FOXL3: variants seen among roughly 807,000 people sequenced by gnomAD.
The protein encoded by FOXL3 is forkhead box L3, also known as forkhead box protein L3.
FOXL3 carries 16 observed loss-of-function variants against 10.9 expected under a neutral mutation model. The ratio of observed to expected loss-of-function variants is 1.46; its 90% CI spans 0.99 to 2.22. The LOEUF (loss-of-function observed/expected upper bound fraction) is 2.22. Among genes scored for constraint, FOXL3 ranks in the 30% most tolerant of loss-of-function variants. The pLI, the probability that FOXL3 is intolerant of heterozygous loss-of-function variation, is 0.00. For missense variants in FOXL3, 400 were observed against 337.9 expected (o/e 1.18, Z -1.44); for synonymous variants, 170 against 152.0 (o/e 1.12, Z -0.87).
At position 291,258 on chromosome 7, in the gene FOXL3, G is replaced by T; in HGVS notation, c.472G>T (p.Ala158Ser). ...QGPSGPSEPP[A>S]AQGRLAPDSA... ...GCCGTCGGGTCCGTCCGAGCCGCCC[G>T]CCGCTCAGGGGCGCCTGGCCCCGGA... Residue 158 changes from alanine to serine, a missense_variant, in exon 3 of 3, where the codon GCC becomes TCC. Physicochemically the swap from Ala to Ser is moderately conservative, Grantham distance 99. Transcript: ENST00000506382. 8.5e-7 allele frequency: 1 copy of T among 1,182,326 alleles called. No individual in the cohort carries two copies. Among genetic ancestry groups the T allele is most frequent in the Non-Finnish European group, 1.0e-6 (1 of 956,054 alleles). The allele number at this position is 1,182,326 out of a possible 1,614,324, so 73.2% of individuals were successfully genotyped here.
Position 290,648 on chromosome 7 carries a change from C to T in FOXL3, c.108-5C>T, listed in dbSNP as rs1011658834. The T allele has an allele frequency of 1.4e-6, 2 of 1,405,630 alleles. No individual in the cohort carries two copies. Among genetic ancestry groups the T allele is most frequent in the African/African-American group, 1.5e-5 (1 of 68,802 alleles). 87.1% of individuals were successfully genotyped at this position (1,405,630 alleles called of 1,614,324 possible). A position where few individuals can be genotyped will look rare whatever the true frequency, so the allele number is the denominator to read the frequency against. ...GAGACCCCGCCTGACCCCCGGGCTC[C>T]GCAGCTACATCGCCTTGATCGCCAT... is the stretch of plus-strand genomic sequence containing the variant. On this transcript the variant is annotated splice_polypyrimidine_tract_variant and splice_region_variant and intron_variant, in intron 1 of 2. Coordinates refer to ENST00000506382, the MANE Select transcript of FOXL3 (RefSeq NM_001374838.1).
intron 1 of FOXL3, 130 bp from the exon 2 acceptor site, chr7:290,523 C>G: frequency 9.9e-7 from 1 of 1,006,962 alleles, no homozygotes; most frequent in Non-Finnish European, 1.4e-6. Context: ...CCGGGGACCG[C>G]GAGCTGCGGG....
At position 291,399 on chromosome 7, in the gene FOXL3, C is replaced by T; in HGVS notation, c.613C>T (p.Pro205Ser). ...CGACTACATCCTGTCCTCCCCAGAC[C>T]CCTTCCCTGGGCTCAAGCCGCCCTG... ...SIDYILSSPD[P>S]FPGLKPPCLA... The change falls in exon 3 of 3, where the codon CCC becomes TCC. Residue 205 changes from proline (P) to serine (S), a missense_variant. Pro to Ser is a moderately conservative substitution (Grantham distance 74). Coordinates refer to ENST00000506382, the MANE Select transcript of FOXL3 (RefSeq NM_001374838.1). 1 of 1,283,366 alleles carries T rather than the reference C, an allele frequency of 7.8e-7. No individual in the cohort carries two copies. The highest frequency in any genetic ancestry group is 2.6e-5 in the South Asian group (1 of 38,592). 79.5% of individuals were successfully genotyped at this position (1,283,366 alleles called of 1,614,324 possible).
At position 290,796 on chromosome 7, in the gene FOXL3, TG is replaced by T; in HGVS notation, c.252del (p.Ser85ProfsTer?). The part of the protein sequence containing the change: ...RAWQNSIRHN[L>X]SLNSCFVKVP... ...TGGCAGAACTCCATCCGCCACAACC[TG>T]TCCCTCAACAGCTGCTTCGTCAAGG... is the stretch of plus-strand genomic sequence containing the variant. On this transcript the variant is annotated frameshift_variant, in exon 2 of 3. Coordinates refer to ENST00000506382, the MANE Select transcript of FOXL3 (RefSeq NM_001374838.1). LOFTEE classifies it low-confidence loss of function (END_TRUNC). 6.6e-7 allele frequency: 1 copy of T among 1,515,162 alleles called. No homozygotes were observed. Among genetic ancestry groups the T allele is most frequent in the Non-Finnish European group, 8.8e-7 (1 of 1,136,262 alleles). The allele number at this position is 1,515,162 out of a possible 1,614,324, so 93.9% of individuals were successfully genotyped here.
chr7:290,748 A>G lies in FOXL3; in HGVS notation c.203A>G (p.Tyr68Cys), dbSNP rs752001418. 1 of 1,491,302 alleles carries G rather than the reference A, an allele frequency of 6.7e-7. No individual in the cohort carries two copies. Among genetic ancestry groups the G allele is most frequent in the South Asian group, 1.4e-5 (1 of 73,414 alleles). The allele number at this position is 1,491,302 out of a possible 1,614,324, so 92.4% of individuals were successfully genotyped here. A position where few individuals can be genotyped will look rare whatever the true frequency, so the allele number is the denominator to read the frequency against. The change falls in exon 2 of 3, where the codon TAT becomes TGT. Residue 68 changes from tyrosine (Y) to cysteine (C), a missense_variant. Transcript: ENST00000506382. The stretch of plus-strand genomic sequence containing the variant: ...GACTTCATCATGCGCAAATTCCCCT[A>G]TTACCGCGCCAACCAGCGCGCCTGG... ...IYDFIMRKFP[Y>C]YRANQRAWQN...
intron 2 of FOXL3, 51 bp from the exon 3 acceptor site, chr7:291,012 G>A (rs1778633726): frequency 4.5e-6 from 6 of 1,331,254 alleles, no homozygotes; most frequent in African/African-American, 1.6e-5. Context: ...CAAGGCGGGC[G>A]GGCGCACCGT....
chr7:290,965 C>G, intron 2 of FOXL3, 98 bp from the exon 3 acceptor site: 1 of 1,275,624 alleles, frequency 7.8e-7, no homozygotes, highest in Non-Finnish European at 1.0e-6. Flanking sequence ...CTGCGCAGTG[C>G]GCCACCCTCG....
chr7:290,566 C>T, intron 1 of FOXL3, 87 bp from the exon 2 acceptor site: 1 of 1,300,696 alleles, frequency 7.7e-7, no homozygotes, highest in Non-Finnish European at 1.0e-6. Flanking sequence ...CGCTCCTCCG[C>T]CTCTGCGCCC....
At chr7:290,914 C>G (rs2115225267) in intron 2 of FOXL3, 93 bp downstream of exon 2, 1 of 1,307,452 alleles carries the variant, frequency 7.6e-7, no homozygotes, top group African/African-American at 1.6e-5. Context: ...ACCGCGGCGG[C>G]TTCAGGGAGG....
At position 291,461 on chromosome 7, in the gene FOXL3, C is replaced by G; in HGVS notation, c.675C>G (p.Asn225Lys). The change falls in exon 3 of 3, where the codon AAC (asparagine) becomes AAG (lysine). Residue 225 changes from asparagine to lysine, a missense_variant. Transcript: ENST00000506382. Reference sequence around the variant, plus strand: ...AGGGCAGATACCCGCGGCTGGAGAACGTGGGACTCCACTTTTGGACAATGT... The same window carrying G: ...AGGGCAGATACCCGCGGCTGGAGAAGGTGGGACTCCACTTTTGGACAATGT... ...AQEGRYPRLENVGLHFWTM is the reference protein window; with the variant it reads ...AQEGRYPRLEKVGLHFWTM The G allele has an allele frequency of 8.1e-7, 1 of 1,236,864 alleles. No homozygotes were observed. The highest frequency in any genetic ancestry group is 1.0e-6 in the Non-Finnish European group (1 of 989,316). 76.6% of individuals were successfully genotyped at this position (1,236,864 alleles called of 1,614,324 possible).
In FOXL3 at chr7:290,825, A is replaced by G; in HGVS notation, c.276+4A>G. The stretch of plus-strand genomic sequence containing the variant: ...CCTCAACAGCTGCTTCGTCAAGGTG[A>G]GCGCCGCCCCCGACGGGCCCCGGGT... On this transcript the variant is annotated splice_donor_region_variant and intron_variant, in intron 2 of 2. Coordinates refer to ENST00000506382, the MANE Select transcript of FOXL3 (RefSeq NM_001374838.1). 7.0e-7 allele frequency: 1 copy of G among 1,436,784 alleles called. No homozygotes were observed. 89.0% of individuals were successfully genotyped at this position (1,436,784 alleles called of 1,614,324 possible).
At position 291,399 on chromosome 7, in the gene FOXL3, C is replaced by A. The variant is rs1362403795; in HGVS notation, c.613C>A (p.Pro205Thr). Reference protein sequence around the residue: ...SIDYILSSPDPFPGLKPPCLA... With the variant: ...SIDYILSSPDTFPGLKPPCLA... ...CGACTACATCCTGTCCTCCCCAGAC[C>A]CCTTCCCTGGGCTCAAGCCGCCCTG... is the stretch of plus-strand genomic sequence containing the variant. Residue 205 changes from proline (P) to threonine (T), a missense_variant, in exon 3 of 3, where the codon CCC becomes ACC. Physicochemically the swap from Pro to Thr is conservative, Grantham distance 38. Coordinates refer to ENST00000506382, the MANE Select transcript of FOXL3 (RefSeq NM_001374838.1). The A allele has an allele frequency of 1.8e-5, 23 of 1,283,246 alleles. No homozygotes were observed. The highest frequency in any genetic ancestry group is 4.6e-5 in the African/African-American group (3 of 65,000). The allele number at this position is 1,283,246 out of a possible 1,614,324, so 79.5% of individuals were successfully genotyped here. A position where few individuals can be genotyped will look rare whatever the true frequency, so the allele number is the denominator to read the frequency against.
In FOXL3 at chr7:290,235, C is replaced by T. The variant is rs1437981849; in HGVS notation, c.66C>T (p.Gly22=). Reference sequence around the variant, plus strand: ...ACGACGCCGACGACTACCCCGCCGGCAGCTCCGACGAAGACAAGAGGCTCA... The same window carrying T: ...ACGACGCCGACGACTACCCCGCCGGTAGCTCCGACGAAGACAAGAGGCTCA... ...FNYDADDYPA[G]SSDEDKRLTR... is the part of the protein sequence containing the mutation. The change falls in exon 1 of 3, where the codon GGC becomes GGT. Residue 22 remains glycine (G), a synonymous_variant. Transcript: ENST00000506382. 6.5e-7 allele frequency: 1 copy of T among 1,535,976 alleles called. No homozygotes were observed. The highest frequency in any genetic ancestry group is 8.7e-7 in the Non-Finnish European group (1 of 1,146,802).
In FOXL3 at chr7:291,084, G is replaced by A. The variant is rs1196971801; in HGVS notation, c.298G>A (p.Glu100Lys). ...GCAGGTGCCGCGGTCCGAGGGCCACGAGAAGGGCAAAGGCAACTACTGGAC... is the reference window on the plus strand; with the variant it reads ...GCAGGTGCCGCGGTCCGAGGGCCACAAGAAGGGCAAAGGCAACTACTGGAC... ...FVKVPRSEGH[E>K]KGKGNYWTFA... Residue 100 changes from glutamate to lysine, a missense_variant, in exon 3 of 3, where the codon GAG (glutamate) becomes AAG (lysine). Coordinates refer to ENST00000506382, the MANE Select transcript of FOXL3 (RefSeq NM_001374838.1). The A allele has an allele frequency of 2.8e-6, 4 of 1,419,542 alleles. No homozygotes were observed. Among genetic ancestry groups the A allele is most frequent in the African/African-American group, 3.0e-5 (2 of 66,370 alleles). 87.9% of individuals were successfully genotyped at this position (1,419,542 alleles called of 1,614,324 possible).
intron 1 of FOXL3, 53 bp downstream of exon 1, chr7:290,329 G>T (rs1286137512): frequency 7.2e-7 from 1 of 1,396,342 alleles, no homozygotes; most frequent in Non-Finnish European, 9.8e-7. Flanking sequence ...CCCCCTGCAA[G>T]GGTCCCAGGT....
Position 290,691 on chromosome 7 carries a change from C to T in FOXL3, c.146C>T (p.Pro49Leu). The change falls in exon 2 of 3, where the codon CCC becomes CTC. Residue 49 changes from proline (P) to leucine (L), a missense_variant. Pro to Leu is a moderately conservative substitution (Grantham distance 98, BLOSUM62 -3). Transcript: ENST00000506382. ...ATCGCCATGGCCATTCAGCAGAGCC[C>T]CGCGGGGAGGGTGACCCTGTCCGGC... is the stretch of plus-strand genomic sequence containing the variant. ...ALIAMAIQQS[P>L]AGRVTLSGIY... The T allele has an allele frequency of 6.9e-7, 1 of 1,447,330 alleles. No individual in the cohort carries two copies. The highest frequency in any genetic ancestry group is 9.0e-7 in the Non-Finnish European group (1 of 1,105,798). The allele number at this position is 1,447,330 out of a possible 1,614,324, so 89.7% of individuals were successfully genotyped here.
Position 290,264 on chromosome 7 carries a change from G to A in FOXL3, c.95G>A (p.Arg32Gln). The A allele has an allele frequency of 6.5e-7, 1 of 1,535,822 alleles. No individual in the cohort carries two copies. Among genetic ancestry groups the A allele is most frequent in the Non-Finnish European group, 8.7e-7 (1 of 1,146,714 alleles). ...GSSDEDKRLTRPAYSYIALIA... is the reference protein window; with the variant it reads ...GSSDEDKRLTQPAYSYIALIA... ...TCCGACGAAGACAAGAGGCTCACGC[G>A]GCCCGCGTACAGGTGACTGCGGGGG... Residue 32 changes from arginine to glutamine, a missense_variant, in exon 1 of 3, where the codon CGG becomes CAG. By Grantham distance (43) the Arg-to-Gln change is conservative. Transcript: ENST00000506382.
At chr7:290,957 G>C in intron 2 of FOXL3, 106 bp from the exon 3 acceptor site, 1 of 1,275,006 alleles carries the variant, frequency 7.8e-7, no homozygotes, top group Non-Finnish European at 1.0e-6. Context: ...GCCTCCACCT[G>C]CGCAGTGCGC....
Position 291,300 on chromosome 7 carries a change from G to A in FOXL3, c.514G>A (p.Ala172Thr). The change falls in exon 3 of 3, where the codon GCC becomes ACC. Residue 172 changes from alanine to threonine, a missense_variant. Physicochemically the swap from Ala to Thr is moderately conservative, Grantham distance 58. Transcript: ENST00000506382. ...RLAPDSAGEG[A>T]PGREPPASPA... ...GGCCCCGGACAGCGCTGGCGAGGGC[G>A]CCCCGGGCCGTGAGCCCCCCGCCAG... The A allele has an allele frequency of 1.6e-6, 2 of 1,246,740 alleles. No homozygotes were observed. The highest frequency in any genetic ancestry group is 2.0e-6 in the Non-Finnish European group (2 of 995,310). 77.2% of individuals were successfully genotyped at this position (1,246,740 alleles called of 1,614,324 possible). A position where few individuals can be genotyped will look rare whatever the true frequency, so the allele number is the denominator to read the frequency against.
Sources: allele counts gnomAD v4.1 joint callset, GRCh38; gene constraint gnomAD v4.1.1; transcripts MANE v1.5; gene names NCBI Gene and HGNC (gene_info 2026-07-23, HGNC 2026-07-21).